Variants in PLD1 observed in about 807,000 individuals in gnomAD.
PLD1 encodes choline phosphatase 1.
PLD1 carries 112 observed loss-of-function variants against 137.1 expected under a neutral mutation model. The observed-to-expected ratio is 0.82, with a 90% CI of 0.70 to 0.96. The LOEUF (loss-of-function observed/expected upper bound fraction) is 0.96, where lower values mean the gene tolerates loss of function less well. Ranked by LOEUF, PLD1 falls within the 40% of genes least tolerant of loss-of-function variation. The probability of loss-of-function intolerance (pLI) is 0.00; values close to 1 mark genes in which losing one functional copy is unlikely to be tolerated. For missense variants in PLD1, 1,321 were observed against 1,342.0 expected, an observed-to-expected ratio of 0.98 and a Z score of 0.24; for synonymous variants, 431 against 454.7, an observed-to-expected ratio of 0.95 and a Z score of 0.66.
chr3:171,756,272 C>A (rs771468638), intron 1 of PLD1, among the ~76,000 whole-genome samples: 1 of 152,076 alleles, frequency 6.6e-6, no homozygotes, highest in African/African-American at 2.4e-5. Flanking sequence ...TTTGGGCTGC[C>A]CCAAATATGA....
chr3:171,707,888 A>C (rs1212087480), intron 11 of PLD1, among the ~76,000 whole-genome samples: 1 of 152,238 alleles, frequency 6.6e-6, no homozygotes, highest in Non-Finnish European at 1.5e-5. Context: ...ATGTGTTTGC[A>C]TTCTTGAATT....
At chr3:171,793,309 C>T (rs1384919434) in intron 1 of PLD1, 3 of 151,970 alleles carry the variant, frequency 2.0e-5, no homozygotes, top group African/African-American at 7.3e-5. Context: ...TTGTTAAACA[C>T]ATAAATCATT....
chr3:171,687,776 A>G (rs1714730239), intron 14 of PLD1, among the ~76,000 whole-genome samples, 192 bp from the exon 15 acceptor site: 1 of 152,204 alleles, frequency 6.6e-6, no homozygotes, highest in African/African-American at 2.4e-5. Context: ...CCAAAGGAAT[A>G]TGAGGAGTTC....
intron 1 of PLD1, among the ~76,000 whole-genome samples, chr3:171,763,859 G>A (rs1284343036): frequency 9.0e-6 from 1 of 111,366 alleles, no homozygotes; most frequent in Admixed American, 1.2e-4. Context: ...TTTTGAGATA[G>A]AGTCTTGCTC....
intron 1 of PLD1, among the ~76,000 whole-genome samples, chr3:171,748,155 G>C (rs993950512): frequency 6.6e-6 from 1 of 152,138 alleles, no homozygotes; most frequent in African/African-American, 2.4e-5. Flanking sequence ...TCCTGCCCCT[G>C]TAAATGACAA....
intron 1 of PLD1, chr3:171,788,455 C>A (rs1401658287): frequency 6.6e-6 from 1 of 152,036 alleles, no homozygotes; most frequent in Non-Finnish European, 1.5e-5. Flanking sequence ...TACTCGTATA[C>A]CTGCATTCAT....
At chr3:171,762,041 A>C (rs974014596) in intron 1 of PLD1, among the ~76,000 whole-genome samples, 9 of 152,244 alleles carry the variant, frequency 5.9e-5, no homozygotes, top group Non-Finnish European at 1.2e-4. Context: ...TGTGAACTTT[A>C]TCATTCAACC....
At chr3:171,684,692 C>T (rs987868403) in intron 16 of PLD1, among the ~76,000 whole-genome samples, 3 of 152,184 alleles carry the variant, frequency 2.0e-5, no homozygotes, top group African/African-American at 2.4e-5. Flanking sequence ...GCCTTCCAGG[C>T]TCCAGCAATT....
chr3:171,683,874 T>C (rs1714263796), intron 16 of PLD1, among the ~76,000 whole-genome samples: 1 of 152,246 alleles, frequency 6.6e-6, no homozygotes, highest in Admixed American at 6.5e-5. Flanking sequence ...TCTATGTTTA[T>C]TTTTGTATCC....
chr3:171,737,726 C>A, intron 2 of PLD1, 67 bp from the exon 3 acceptor site: 4 of 1,330,110 alleles, frequency 3.0e-6, no homozygotes, highest in South Asian at 1.4e-5. Flanking sequence ...TACAGGCATT[C>A]TTTTAAGAAT....
At chr3:171,716,290 C>T (rs1474604478) in intron 8 of PLD1, among the ~76,000 whole-genome samples, 1 of 152,088 alleles carries the variant, frequency 6.6e-6, no homozygotes, top group Non-Finnish European at 1.5e-5. Flanking sequence ...TAATACTGTT[C>T]TTAGTTCTTT....
intron 23 of PLD1, among the ~76,000 whole-genome samples, chr3:171,636,357 A>T (rs1735133124): frequency 1.3e-5 from 2 of 152,066 alleles, no homozygotes; most frequent in African/African-American, 4.8e-5. Flanking sequence ...TGTATAGGTA[A>T]ATTTGGAGAG....
chr3:171,707,242 C>G (rs1297819405), intron 11 of PLD1, among the ~76,000 whole-genome samples: 1 of 152,122 alleles, frequency 6.6e-6, no homozygotes, highest in Non-Finnish European at 1.5e-5. Flanking sequence ...ATAATCCATA[C>G]AACAAATTCC....
chr3:171,744,545 C>G (rs1196609056), intron 1 of PLD1, among the ~76,000 whole-genome samples: 1 of 152,184 alleles, frequency 6.6e-6, no homozygotes, highest in Non-Finnish European at 1.5e-5. Context: ...ATATCACACC[C>G]TCCACGTGGC....
chr3:171,685,045 G>A (rs1301127914), intron 16 of PLD1, among the ~76,000 whole-genome samples: 2 of 152,208 alleles, frequency 1.3e-5, no homozygotes, highest in Non-Finnish European at 2.9e-5. Flanking sequence ...CACAGCCTGT[G>A]GGCCACATGC....
At chr3:171,667,268 G>C (rs1454391353) in intron 19 of PLD1, among the ~76,000 whole-genome samples, 1 of 152,186 alleles carries the variant, frequency 6.6e-6, no homozygotes, top group Non-Finnish European at 1.5e-5. Context: ...TTTTCTTCCA[G>C]ACTGTACTGA....
intron 23 of PLD1, among the ~76,000 whole-genome samples, chr3:171,640,308 T>C (rs1323500097): frequency 6.6e-6 from 1 of 152,138 alleles, no homozygotes; most frequent in African/African-American, 2.4e-5. Context: ...TTTATAGTTA[T>C]AAATTTCCCT....
chr3:171,742,590 A>G (rs1473600888), intron 1 of PLD1, among the ~76,000 whole-genome samples: 1 of 152,210 alleles, frequency 6.6e-6, no homozygotes, highest in East Asian at 1.9e-4. Flanking sequence ...GTAAAAAAAA[A>G]TTATGATTAG....
At chr3:171,747,224 T>C (rs1578404434) in intron 1 of PLD1, among the ~76,000 whole-genome samples, 1 of 152,174 alleles carries the variant, frequency 6.6e-6, no homozygotes, top group Non-Finnish European at 1.5e-5. Flanking sequence ...GCGGCTTCAT[T>C]CGTGAAGTCA....
Sources: gnomAD v4.1 joint callset for allele counts (sites outside exome capture counted in the v4.1 genomes callset) on GRCh38, gnomAD v4.1.1 for gene constraint, MANE v1.5 for transcripts, NCBI Gene and HGNC (gene_info 2026-07-23, HGNC 2026-07-21) for gene names.